WWC2: variants seen among roughly 807,000 people sequenced by gnomAD.
WWC2 encodes protein WWC2.
Under a neutral mutation model 138.5 loss-of-function variants are expected in WWC2, and 101 were observed. That is an observed-to-expected ratio of 0.73 (90% CI 0.62 to 0.86). WWC2 has a LOEUF of 0.86. Ranked by LOEUF, WWC2 falls within the 40% of genes least tolerant of loss-of-function variation. The pLI is 0.00. For synonymous variants in WWC2, 558 were observed against 538.4 expected (o/e 1.04, Z -0.50); for missense variants, 1,420 against 1,419.4 (o/e 1.00, Z -0.01).
At chr4:183,237,243 A>G (rs1202902887) in intron 4 of WWC2, among the ~76,000 whole-genome samples, 1 of 151,728 alleles carries the variant, frequency 6.6e-6, no homozygotes, top group African/African-American at 2.4e-5. Flanking sequence ...AACTATTTTC[A>G]ATGGTAAAGA....
chr4:183,256,892 C>T (rs757128698), intron 9 of WWC2, among the ~76,000 whole-genome samples: 3,180 of 37,292 alleles, frequency 0.085, 227 homozygotes, highest in South Asian at 0.19. Context: ...CAGCCCCCCC[C>T]CCCCCCCCCC....
Position 183,208,049 on chromosome 4 carries a change from C to T in WWC2, c.338C>T (p.Thr113Ile). 1 of 1,613,838 alleles carries T rather than the reference C, an allele frequency of 6.2e-7. No individual in the cohort carries two copies. Among genetic ancestry groups the T allele is most frequent in the Non-Finnish European group, 8.5e-7 (1 of 1,179,808 alleles). ...TCTGTGGCACAGGATGCCCTCCGGA[C>T]ACAGAAGGAACTGTACCATGTGAAG... ...YLSVAQDALR[T>I]QKELYHVKEQ... The change falls in exon 3 of 23, where the codon ACA becomes ATA. Residue 113 changes from threonine to isoleucine, a missense_variant. Coordinates refer to ENST00000403733, the MANE Select transcript of WWC2 (RefSeq NM_024949.6).
intron 4 of WWC2, among the ~76,000 whole-genome samples, chr4:183,226,504 AAAG>A (rs1736077616): frequency 2.0e-5 from 3 of 152,212 alleles, no homozygotes; most frequent in East Asian, 3.9e-4. Context: ...ATATAGGCTT[AAAG>A]AAGAATACTA....
chr4:183,161,501 T>C (rs549381494), intron 1 of WWC2, among the ~76,000 whole-genome samples: 35 of 152,334 alleles, frequency 2.3e-4, no homozygotes, highest in African/African-American at 8.2e-4. Flanking sequence ...TTTACCACAC[T>C]GTGCAAATAA....
chr4:183,117,804 T>TTTTC (rs1176644154), intron 1 of WWC2, among the ~76,000 whole-genome samples: 1 of 150,728 alleles, frequency 6.6e-6, no homozygotes, highest in East Asian at 2.0e-4. Context: ...TTTTTTTTTT[T>TTTTC]TGAGGTGGAG....
rs1561443852 is a variant in WWC2 at position 183,164,332 on chromosome 4, TA to T, written c.132-29266del. 0.026 allele frequency among the ~76,000 whole-genome samples: 190 copies of T among 7,258 alleles called. 16 individuals are homozygous for T. The East Asian group carries it at 0.35, about 14-fold the overall frequency. 4.8% of individuals were successfully genotyped at this position (7,258 alleles called of 152,430 possible). A position where few individuals can be genotyped will look rare whatever the true frequency, so the allele number is the denominator to read the frequency against. On this transcript the variant is annotated intron_variant, in intron 1 of 22. Coordinates refer to ENST00000403733, the MANE Select transcript of WWC2 (RefSeq NM_024949.6). The stretch of plus-strand genomic sequence containing the variant: ...TATATTATATATACATATATATATA[TA>T]TATACATATATATATTATATATACA...
In WWC2 at chr4:183,199,996, G is replaced by A. The variant is rs59535016; in HGVS notation, c.241+6288G>A. On this transcript the variant is annotated intron_variant, in intron 2 of 22. Coordinates refer to ENST00000403733, the MANE Select transcript of WWC2 (RefSeq NM_024949.6). Reference sequence around the variant, plus strand: ...CACAAATCTATTCTGCAAATACAACGATGGAGATGAAGCACCATCCTGCTT... The same window carrying A: ...CACAAATCTATTCTGCAAATACAACAATGGAGATGAAGCACCATCCTGCTT... 1.3e-3 allele frequency among the ~76,000 whole-genome samples: 194 copies of A among 152,236 alleles called. 2 individuals are homozygous for A. The highest frequency in any genetic ancestry group is 4.3e-3 in the African/African-American group (179 of 41,544).
chr4:183,146,937 A>G (rs1264324970), intron 1 of WWC2, among the ~76,000 whole-genome samples: 1 of 152,186 alleles, frequency 6.6e-6, no homozygotes, highest in African/African-American at 2.4e-5. Flanking sequence ...TTGTTTTTCA[A>G]GATCAGTGGC....
At chr4:183,205,994 C>T (rs73004990) in intron 2 of WWC2, among the ~76,000 whole-genome samples, 1,737 of 152,264 alleles carry the variant, frequency 0.011, 38 homozygotes, top group African/African-American at 0.04. Context: ...TTCTACTGTG[C>T]TTTGCTTTAC....
intron 1 of WWC2, among the ~76,000 whole-genome samples, chr4:183,126,913 T>G (rs2111061327): frequency 6.6e-6 from 1 of 150,506 alleles, no homozygotes; most frequent in Admixed American, 6.6e-5. Flanking sequence ...TTTTTTTTTT[T>G]TTAAAGAGAG....
chr4:183,115,014 C>T (rs1392633152), intron 1 of WWC2, among the ~76,000 whole-genome samples: 2 of 152,076 alleles, frequency 1.3e-5, no homozygotes, highest in Non-Finnish European at 1.5e-5. Context: ...TTTTGATCTT[C>T]ACCCTCCTCC....
intron 1 of WWC2, among the ~76,000 whole-genome samples, chr4:183,188,989 C>G (rs769392614): frequency 6.6e-6 from 1 of 152,134 alleles, no homozygotes; most frequent in Non-Finnish European, 1.5e-5. Context: ...AATTTCCTCA[C>G]ACACAGGGAA....
intron 1 of WWC2, among the ~76,000 whole-genome samples, chr4:183,167,706 A>G (rs78286016): frequency 1.1e-3 from 163 of 152,294 alleles, no homozygotes; most frequent in Middle Eastern, 0.01. Context: ...TGGTGCACTT[A>G]GAAAAAACAT....
At chr4:183,242,858 C>T (rs1041497797) in intron 5 of WWC2, among the ~76,000 whole-genome samples, 7 of 151,970 alleles carry the variant, frequency 4.6e-5, no homozygotes, top group Non-Finnish European at 4.4e-5. Context: ...GCTCATACTT[C>T]GGTTTATTTT....
chr4:183,120,343 A>G (rs994703205), intron 1 of WWC2, among the ~76,000 whole-genome samples: 25 of 152,210 alleles, frequency 1.6e-4, no homozygotes, highest in African/African-American at 6.0e-4. Context: ...TTAGTGCCCA[A>G]ATACAAAGAT....
At chr4:183,172,064 T>C (rs1209574967) in intron 1 of WWC2, among the ~76,000 whole-genome samples, 1 of 152,230 alleles carries the variant, frequency 6.6e-6, no homozygotes, top group Non-Finnish European at 1.5e-5. Flanking sequence ...CTTTTTTCCA[T>C]TGGCTTACTT....
At position 183,240,196 on chromosome 4, in the gene WWC2, A is replaced by G. The variant is rs1264876700; in HGVS notation, c.536A>G (p.Lys179Arg). The change falls in exon 5 of 23, where the codon AAG becomes AGG. Residue 179 changes from lysine (K) to arginine (R), a missense_variant. By Grantham distance (26) the Lys-to-Arg change is conservative. Coordinates refer to ENST00000403733, the MANE Select transcript of WWC2 (RefSeq NM_024949.6). ...STTRLRVKKL[K>R]RELSQMKQEL... ...TTCTCTTTAAAGGTTAAAAAGCTAA[A>G]GAGAGAGCTCTCACAGATGAAGCAG... is the stretch of plus-strand genomic sequence containing the variant. 3.2e-6 allele frequency: 5 copies of G among 1,549,874 alleles called. No individual in the cohort carries two copies. The African/African-American group carries it at 6.9e-5, about 21-fold the overall frequency.
At chr4:183,288,004 G>A (rs1308777177) in intron 20 of WWC2, among the ~76,000 whole-genome samples, 3 of 152,198 alleles carry the variant, frequency 2.0e-5, no homozygotes, top group Admixed American at 1.3e-4. Context: ...GGAGTCCTTA[G>A]GCTCTGTGTG....
chr4:183,226,627 A>G (rs1308673239), intron 4 of WWC2, among the ~76,000 whole-genome samples: 1 of 152,034 alleles, frequency 6.6e-6, no homozygotes, highest in Non-Finnish European at 1.5e-5. Flanking sequence ...AAATGGTTAC[A>G]ATAGAATAGC....
Sources: allele counts gnomAD v4.1 joint callset (sites outside exome capture counted in the v4.1 genomes callset), GRCh38; gene constraint gnomAD v4.1.1; transcripts MANE v1.5; gene names NCBI Gene and HGNC (gene_info 2026-07-23, HGNC 2026-07-21).